Variants in TNPO3 observed in about 807,000 individuals in gnomAD.
TNPO3 encodes the protein transportin-3.
A neutral mutation model predicts 122.8 loss-of-function variants in TNPO3; 65 were observed. The observed-to-expected ratio is 0.53, with a 90% confidence interval of 0.43 to 0.65. The LOEUF (loss-of-function observed/expected upper bound fraction) is 0.65. Among genes scored for constraint, TNPO3 ranks in the 30% least tolerant of loss-of-function variants. TNPO3 has a pLI of 0.00. For missense variants in TNPO3, 850 were observed against 1,136.7 expected (o/e 0.75, Z 3.63); for synonymous variants, 372 against 411.2 (o/e 0.90, Z 1.15).
chr7:129,005,127 C>T lies in TNPO3; in HGVS notation c.585G>A (p.Glu195=), dbSNP rs1383614882. The change falls in exon 5 of 23, where the codon GAG becomes GAA. Residue 195 remains glutamate, a synonymous_variant. Coordinates refer to ENST00000265388, the MANE Select transcript of TNPO3 (RefSeq NM_012470.4). ...MTCVEKAGTD[E]KMLMKVFRCL... ...AGCGAAAAACCTTCATAAGCATTTTCTCATCTGTTCCTGCTTTTTCTACAC... is the reference window on the plus strand; with the variant it reads ...AGCGAAAAACCTTCATAAGCATTTTTTCATCTGTTCCTGCTTTTTCTACAC... 4 of 1,613,960 alleles carry T rather than the reference C, an allele frequency of 2.5e-6. No homozygotes were observed. The highest frequency in any genetic ancestry group is 1.7e-4 in the Middle Eastern group (1 of 6,060).
intron 1 of TNPO3, among the ~76,000 whole-genome samples, chr7:129,034,462 C>T (rs956166087): frequency 4.0e-5 from 6 of 151,804 alleles, no homozygotes; most frequent in East Asian, 1.9e-4. Flanking sequence ...GCCATGATCA[C>T]GCCACTGCAT....
intron 1 of TNPO3, among the ~76,000 whole-genome samples, chr7:129,033,564 A>G (rs1806198888): frequency 6.6e-6 from 1 of 152,228 alleles, no homozygotes; most frequent in South Asian, 2.1e-4. Context: ...AATTAAAAAT[A>G]GAACTACCAT....
rs765328382 is a variant in TNPO3, at chr7:128,990,061, A to T, written c.1398T>A (p.Val466=). 6.8e-6 allele frequency: 11 copies of T among 1,614,118 alleles called. No homozygotes were observed. Among genetic ancestry groups the T allele is most frequent in the Non-Finnish European group, 8.5e-6 (10 of 1,180,042 alleles). ...TATGTACGGTCTCCGGGAGGCGGAC[A>T]ACTCCTTCTAGGACTTCCACAAGTG... ...NPTLVEVLEG[V]VRLPETVHTA... The change falls in exon 11 of 23, where the codon GTT becomes GTA. Residue 466 remains valine (V), a synonymous_variant. Transcript: ENST00000265388.
chr7:128,973,734 T>A (rs1585327079), intron 18 of TNPO3, among the ~76,000 whole-genome samples: 2 of 774 alleles, frequency 2.6e-3, no homozygotes, highest in Non-Finnish European at 7.1e-3. Context: ...AGACTCCGTC[T>A]CAAAAAAAAA....
intron 2 of TNPO3, 66 bp from the exon 3 acceptor site, chr7:129,017,122 T>C: frequency 7.0e-7 from 1 of 1,428,072 alleles, no homozygotes; most frequent in South Asian, 1.1e-5. Context: ...AAATATTAAT[T>C]GGGAAGCAAA....
At chr7:128,968,867 C>T (rs1315051608) in intron 20 of TNPO3, among the ~76,000 whole-genome samples, 3 of 151,972 alleles carry the variant, frequency 2.0e-5, no homozygotes, top group Non-Finnish European at 4.4e-5. Flanking sequence ...TATGCCACCA[C>T]ACCCAGCTAA....
chr7:128,991,794 A>G (rs1182830980), intron 10 of TNPO3, among the ~76,000 whole-genome samples: 2 of 152,164 alleles, frequency 1.3e-5, no homozygotes, highest in Non-Finnish European at 2.9e-5. Context: ...AATAATTTCA[A>G]CTCTAGGAAA....
In TNPO3 at chr7:128,967,382, C is replaced by A. The variant is rs188168905; in HGVS notation, c.2609G>T (p.Arg870Leu). 6.2e-7 allele frequency: 1 copy of A among 1,611,622 alleles called. No individual in the cohort carries two copies. The highest frequency in any genetic ancestry group is 1.3e-5 in the African/African-American group (1 of 74,844). Reference sequence around the variant, plus strand: ...ACCTTTTAAGGAATTTTCTAACCATCGACAAAAAGTCTGTATAGGAAAGAG... The same window carrying A: ...ACCTTTTAAGGAATTTTCTAACCATAGACAAAAAGTCTGTATAGGAAAGAG... ...IMQVDRPTFC[R>L]WLENSLKGLP... is the part of the protein sequence containing the mutation. Residue 870 changes from arginine (R) to leucine (L), a missense_variant, in exon 21 of 23, where the codon CGA (arginine) becomes CTA (leucine). Arg to Leu is a moderately radical substitution (Grantham distance 102). Coordinates refer to ENST00000265388, the MANE Select transcript of TNPO3 (RefSeq NM_012470.4).
intron 4 of TNPO3, among the ~76,000 whole-genome samples, chr7:129,010,577 C>A (rs893010711): frequency 6.6e-6 from 1 of 152,158 alleles, no homozygotes; most frequent in African/African-American, 2.4e-5. Context: ...TACCATCACA[C>A]AAACTACATT....
At chr7:129,007,308 C>T (rs770594247) in intron 4 of TNPO3, among the ~76,000 whole-genome samples, 6 of 152,182 alleles carry the variant, frequency 3.9e-5, no homozygotes, top group Non-Finnish European at 5.9e-5. Flanking sequence ...AACCATTACA[C>T]GATAGCTACC....
At chr7:129,005,650 C>T (rs1802490946) in intron 4 of TNPO3, among the ~76,000 whole-genome samples, 1 of 152,088 alleles carries the variant, frequency 6.6e-6, no homozygotes, top group African/African-American at 2.4e-5. Context: ...GCTTCCCCTT[C>T]ACCTTCCCCC....
At chr7:129,033,975 C>G (rs1031375569) in intron 1 of TNPO3, among the ~76,000 whole-genome samples, 2 of 150,094 alleles carry the variant, frequency 1.3e-5, no homozygotes, top group Admixed American at 1.3e-4. Context: ...CTGCAGCCAA[C>G]TGCAGCATTA....
chr7:128,964,503 T>C (rs1797758823), intron 21 of TNPO3, among the ~76,000 whole-genome samples: 1 of 152,064 alleles, frequency 6.6e-6, no homozygotes. Context: ...GCCCGGCTAA[T>C]TTTTTGTGTC....
chr7:129,053,606 A>G (rs1333366903), intron 1 of TNPO3, among the ~76,000 whole-genome samples: 1 of 152,140 alleles, frequency 6.6e-6, no homozygotes. Flanking sequence ...GAGCTGATTT[A>G]ATAAGGCAGA....
At chr7:128,986,123 T>C (rs1172637656) in intron 12 of TNPO3, among the ~76,000 whole-genome samples, 3 of 152,234 alleles carry the variant, frequency 2.0e-5, no homozygotes, top group Middle Eastern at 6.3e-3. Flanking sequence ...ATAAAATAAA[T>C]ATGATCCTTC....
At chr7:129,047,861 C>G (rs1241249174) in intron 1 of TNPO3, among the ~76,000 whole-genome samples, 1 of 152,160 alleles carries the variant, frequency 6.6e-6, no homozygotes, top group Non-Finnish European at 1.5e-5. Flanking sequence ...TAGACAAAAT[C>G]TTCCGGAAAG....
At chr7:129,013,114 A>C (rs1341380800) in intron 4 of TNPO3, among the ~76,000 whole-genome samples, 3 of 152,192 alleles carry the variant, frequency 2.0e-5, no homozygotes, top group Non-Finnish European at 4.4e-5. Flanking sequence ...CCTTTCTTTT[A>C]TCTCTCATAA....
intron 4 of TNPO3, among the ~76,000 whole-genome samples, chr7:129,013,726 T>C (rs369210099): frequency 1.3e-5 from 2 of 152,274 alleles, no homozygotes; most frequent in African/African-American, 4.8e-5. Context: ...TAAGTACCTA[T>C]CAACGGCTGA....
At chr7:129,031,025 TG>T (rs1282139702) in intron 1 of TNPO3, among the ~76,000 whole-genome samples, 1 of 152,232 alleles carries the variant, frequency 6.6e-6, no homozygotes, top group Non-Finnish European at 1.5e-5. Context: ...GGCTCATGCC[TG>T]TTAATCCCAG....
Sources: gnomAD v4.1 joint callset for allele counts (sites outside exome capture counted in the v4.1 genomes callset) on GRCh38, gnomAD v4.1.1 for gene constraint, MANE v1.5 for transcripts, NCBI Gene and HGNC (gene_info 2026-07-23, HGNC 2026-07-21) for gene names.